The following NRXN1 variants were observed in gnomAD, a reference collection of about 807,000 sequenced individuals.
NRXN1 encodes neurexin 1.
A neutral mutation model predicts 150.9 loss-of-function variants in NRXN1; 39 were observed. The ratio of observed to expected loss-of-function variants is 0.26; its 90% confidence interval spans 0.20 to 0.34. The LOEUF (loss-of-function observed/expected upper bound fraction) is 0.34. NRXN1 is among the 10% of genes least tolerant of loss of function. The pLI is 1.00. For missense variants in NRXN1, 1,815 were observed against 1,949.9 expected, an observed-to-expected ratio of 0.93 and a Z score of 1.30; for synonymous variants, 924 against 757.0, an observed-to-expected ratio of 1.22 and a Z score of -3.62.
Position 50,868,515 on chromosome 2 carries a change from T to A in NRXN1, c.832+53354A>T, listed in dbSNP as rs927262579. 3.3e-5 allele frequency among the ~76,000 whole-genome samples: 5 copies of A among 151,646 alleles called. No homozygotes were observed. In the South Asian group the frequency reaches 6.2e-4, roughly 19 times the overall value. On this transcript the variant is annotated intron_variant, in intron 5 of 22. Coordinates refer to ENST00000401669, the MANE Select transcript of NRXN1 (RefSeq NM_001330078.2). ...CCAGACTCCACCACTATGCAATATA[T>A]CCCTGTACCAAAACTGCACTTGTGT...
At chr2:50,929,496 C>G (rs1200157876) in intron 2 of NRXN1, among the ~76,000 whole-genome samples, 1 of 151,972 alleles carries the variant, frequency 6.6e-6, no homozygotes, top group Non-Finnish European at 1.5e-5. Context: ...TTCCTTCCTT[C>G]TCTGCTAGAT....
At chr2:50,152,267 G>T (rs527385834) in intron 18 of NRXN1, among the ~76,000 whole-genome samples, 5 of 151,532 alleles carry the variant, frequency 3.3e-5, no homozygotes, top group Admixed American at 2.0e-4. Flanking sequence ...CACTACTCTA[G>T]GTACATTATA....
intron 21 of NRXN1, among the ~76,000 whole-genome samples, chr2:50,035,901 A>G (rs1233710361): frequency 2.0e-5 from 3 of 152,144 alleles, no homozygotes; most frequent in Non-Finnish European, 4.4e-5. Context: ...ACCGATGAAT[A>G]CTTCTAAGGA....
chr2:50,475,808 C>T (rs1249097886), intron 15 of NRXN1, among the ~76,000 whole-genome samples: 1 of 151,762 alleles, frequency 6.6e-6, no homozygotes, highest in Non-Finnish European at 1.5e-5. Flanking sequence ...GTGGTCTGAG[C>T]CCTGTGTACT....
chr2:50,954,555 G>C (rs753887827), intron 2 of NRXN1, among the ~76,000 whole-genome samples: 1 of 152,192 alleles, frequency 6.6e-6, no homozygotes, highest in Non-Finnish European at 1.5e-5. Context: ...AGTTCCAGCA[G>C]AGCTGGGAAA....
At chr2:50,448,136 A>C (rs2086625649) in intron 17 of NRXN1, among the ~76,000 whole-genome samples, 1 of 152,024 alleles carries the variant, frequency 6.6e-6, no homozygotes, top group South Asian at 2.1e-4. Context: ...ATATAGAATG[A>C]ATGTTCACTT....
intron 18 of NRXN1, among the ~76,000 whole-genome samples, chr2:50,179,572 C>T (rs887708442): frequency 6.6e-6 from 1 of 152,054 alleles, no homozygotes; most frequent in African/African-American, 2.4e-5. Context: ...GTAACATGCA[C>T]AAAGGCACTA....
intron 3 of NRXN1, among the ~76,000 whole-genome samples, chr2:50,925,192 T>A (rs990526748): frequency 6.6e-6 from 1 of 151,814 alleles, no homozygotes; most frequent in African/African-American, 2.4e-5. Context: ...AAGATTTGTT[T>A]GTAGCACACT....
At chr2:50,178,968 C>T (rs1326862120) in intron 18 of NRXN1, among the ~76,000 whole-genome samples, 1 of 151,898 alleles carries the variant, frequency 6.6e-6, no homozygotes, top group African/African-American at 2.4e-5. Context: ...AAGAGAAATA[C>T]CTAACAATGC....
intron 17 of NRXN1, among the ~76,000 whole-genome samples, chr2:50,336,287 T>A (rs1479205221): frequency 6.6e-6 from 1 of 152,186 alleles, no homozygotes; most frequent in East Asian, 1.9e-4. Context: ...GAATTTACCA[T>A]CCTTTCTGAA....
chr2:50,323,798 C>A (rs1296425437), intron 17 of NRXN1, among the ~76,000 whole-genome samples: 1 of 152,014 alleles, frequency 6.6e-6, no homozygotes, highest in Non-Finnish European at 1.5e-5. Context: ...ATACCATAAG[C>A]AATCAAGCTA....
intron 5 of NRXN1, chr2:50,696,182 GT>G (rs1692824236): frequency 1.5e-3 from 109 of 70,516 alleles, no homozygotes; most frequent in African/African-American, 4.8e-3. Context: ...ATACGTGTGT[GT>G]GTGTGTGTGT....
chr2:50,172,216 G>C (rs529458506), intron 18 of NRXN1, among the ~76,000 whole-genome samples: 513 of 152,178 alleles, frequency 3.4e-3, no homozygotes, highest in Non-Finnish European at 6.0e-3. Context: ...TCTTATGCTT[G>C]ACTAATTTGT....
rs949630894 is a variant in NRXN1, at chr2:50,543,717, C to T, written c.1760-5081G>A. Among the ~76,000 whole-genome samples, 26 of 152,032 alleles carry T rather than the reference C, an allele frequency of 1.7e-4. 1 individual carries two copies. The highest frequency in any genetic ancestry group is 5.8e-4 in the African/African-American group (24 of 41,432). ...TAGTTTTTCATTACCTATTAGTTTC[C>T]ATTAACTTTTCTATCCTATTTTTAT... is the stretch of plus-strand genomic sequence containing the variant. On this transcript the variant is annotated intron_variant, in intron 9 of 22. Coordinates refer to ENST00000401669, the MANE Select transcript of NRXN1 (RefSeq NM_001330078.2).
In NRXN1 at chr2:50,347,137, AC is replaced by A. The variant is rs1438332967; in HGVS notation, c.3365-110168del. ...GGTCCTGGAGTCCGCCGTGCCTAGC[AC>A]CCCAAACAATCCGAAACATAGCCGA... On this transcript the variant is annotated intron_variant, in intron 17 of 22. Transcript: ENST00000401669. This position sits in a 1 kb window ranked among gnomAD's most constrained non-coding sequence, Gnocchi z 4.9. The A allele has an allele frequency of 7.2e-7, 1 of 1,382,382 alleles. No homozygotes were observed. The highest frequency in any genetic ancestry group is 9.5e-7 in the Non-Finnish European group (1 of 1,050,402). The allele number at this position is 1,382,382 out of a possible 1,614,324, so 85.6% of individuals were successfully genotyped here. A position where few individuals can be genotyped will look rare whatever the true frequency, so the allele number is the denominator to read the frequency against.
At chr2:50,674,443 G>A (rs1010201382) in intron 5 of NRXN1, among the ~76,000 whole-genome samples, 3 of 152,092 alleles carry the variant, frequency 2.0e-5, no homozygotes, top group Non-Finnish European at 2.9e-5. Flanking sequence ...TTCTTAGGCC[G>A]TGGAGACCTG....
intron 17 of NRXN1, among the ~76,000 whole-genome samples, chr2:50,460,615 G>A (rs1372301518): frequency 3.9e-5 from 6 of 151,934 alleles, no homozygotes; most frequent in African/African-American, 1.2e-4. Context: ...ATAAGTTTAC[G>A]TAAAATAGTA....
intron 21 of NRXN1, among the ~76,000 whole-genome samples, chr2:49,949,271 A>AT (rs1673504343): frequency 6.6e-6 from 1 of 151,798 alleles, no homozygotes; most frequent in Non-Finnish European, 1.5e-5. Context: ...TATGTTTGTT[A>AT]TTTTTTCTCA....
intron 17 of NRXN1, among the ~76,000 whole-genome samples, chr2:50,249,655 T>G (rs894943625): frequency 2.8e-5 from 4 of 143,576 alleles, no homozygotes; most frequent in African/African-American, 1.0e-4. Context: ...TTTTTTTTTT[T>G]GAGATGGCGT....
Sources: gnomAD v4.1 joint callset for allele counts (sites outside exome capture counted in the v4.1 genomes callset) on GRCh38, gnomAD v4.1.1 for gene constraint, Gnocchi (gnomAD v3.1) non-coding constraint, MANE v1.5 for transcripts, NCBI Gene and HGNC (gene_info 2026-07-23, HGNC 2026-07-21) for gene names.